OLA1: variants seen among roughly 807,000 people sequenced by gnomAD.
The protein encoded by OLA1 is obg-like ATPase 1.
Under a neutral mutation model 48.4 loss-of-function variants are expected in OLA1, and 14 were observed. That is an observed-to-expected ratio of 0.29 (90% confidence interval 0.19 to 0.45). The LOEUF (loss-of-function observed/expected upper bound fraction) is 0.45. OLA1 is among the 20% of genes least tolerant of loss of function. OLA1 has a pLI of 1.00. For synonymous variants in OLA1, 127 were observed against 150.4 expected (o/e 0.84, Z 1.14); for missense variants, 325 against 467.1 (o/e 0.70, Z 2.80).
intron 5 of OLA1, among the ~76,000 whole-genome samples, chr2:174,131,549 G>A (rs1686181381): frequency 6.6e-6 from 1 of 152,030 alleles, no homozygotes; most frequent in Non-Finnish European, 1.5e-5. Context: ...ATTTTCAAAA[G>A]CAGATGTACT....
At chr2:174,138,802 A>G (rs1222013862) in intron 5 of OLA1, among the ~76,000 whole-genome samples, 1 of 152,256 alleles carries the variant, frequency 6.6e-6, no homozygotes, top group African/African-American at 2.4e-5. Context: ...AATTGCCTTA[A>G]GAATATAATA....
intron 4 of OLA1, among the ~76,000 whole-genome samples, chr2:174,194,829 A>T (rs567128500): frequency 6.6e-6 from 1 of 152,226 alleles, no homozygotes; most frequent in Non-Finnish European, 1.5e-5. Flanking sequence ...CTTGTTGATT[A>T]TAAAGAATAA....
At chr2:174,123,098 C>T (rs1000603400) in intron 7 of OLA1, 82 bp downstream of exon 7, 6 of 636,464 alleles carry the variant, frequency 9.4e-6, no homozygotes, top group East Asian at 3.2e-5. Flanking sequence ...TAAACATTGC[C>T]GTTAAGTACA....
At chr2:174,205,750 A>G (rs1052061496) in intron 4 of OLA1, among the ~76,000 whole-genome samples, 4 of 152,200 alleles carry the variant, frequency 2.6e-5, no homozygotes, top group African/African-American at 9.7e-5. Context: ...TGGGAGGAGA[A>G]GATGGACCGG....
At chr2:174,137,393 A>G (rs558944407) in intron 5 of OLA1, among the ~76,000 whole-genome samples, 2 of 152,346 alleles carry the variant, frequency 1.3e-5, no homozygotes, top group East Asian at 1.9e-4. Context: ...ATAACTCGCA[A>G]AGGCTCTAGG....
At chr2:174,076,807 ATGTG>A (rs1024034595) in intron 10 of OLA1, among the ~76,000 whole-genome samples, 2 of 148,388 alleles carry the variant, frequency 1.3e-5, no homozygotes, top group Non-Finnish European at 3.0e-5. Context: ...TATGACACAT[ATGTG>A]TGTGTGTATA....
At chr2:174,099,160 ATT>A (rs753871074) in intron 7 of OLA1, among the ~76,000 whole-genome samples, 6 of 144,040 alleles carry the variant, frequency 4.2e-5, no homozygotes, top group Non-Finnish European at 3.1e-5. Context: ...TATTTTATTT[ATT>A]TTTTTTTTTT....
intron 7 of OLA1, among the ~76,000 whole-genome samples, chr2:174,114,255 T>C (rs1173227987): frequency 7.6e-6 from 1 of 131,332 alleles, no homozygotes; most frequent in South Asian, 2.3e-4. Flanking sequence ...GACAGGAGAA[T>C]GGCGTGAACC....
At chr2:174,136,862 A>T (rs1686322796) in intron 5 of OLA1, among the ~76,000 whole-genome samples, 1 of 151,782 alleles carries the variant, frequency 6.6e-6, no homozygotes, top group Admixed American at 6.6e-5. Context: ...TTTTCAGTAG[A>T]GACAGGGTTT....
At position 174,229,337 on chromosome 2, in the gene OLA1, G is replaced by A; in HGVS notation, c.216C>T (p.Asp72=). ...SRVPVPDERF[D]FLCQYHKPAS... ...CTGGTTTGTGGTATTGACAAAGAAA[G>A]TCAAACCTTTCATCTGGCACAGGTA... The change falls in exon 3 of 11, where the codon GAC becomes GAT. Residue 72 remains aspartate, a synonymous_variant. Coordinates refer to ENST00000284719, the MANE Select transcript of OLA1 (RefSeq NM_013341.5). 7.4e-6 allele frequency: 12 copies of A among 1,612,344 alleles called. No homozygotes were observed. Among genetic ancestry groups the A allele is most frequent in the Non-Finnish European group, 9.3e-6 (11 of 1,179,888 alleles).
chr2:174,247,568 G>C, intron 1 of OLA1: 2 of 1,504,212 alleles, frequency 1.3e-6, no homozygotes, highest in Non-Finnish European at 1.8e-6. Flanking sequence ...GGAACCACCA[G>C]CAGCCAAGTC....
chr2:174,089,454 A>T (rs1201114125), intron 7 of OLA1, among the ~76,000 whole-genome samples: 1 of 152,196 alleles, frequency 6.6e-6, no homozygotes, highest in African/African-American at 2.4e-5. Flanking sequence ...AGGATAGGAA[A>T]ATTCCTGCTT....
At chr2:174,198,606 C>T (rs1376426284) in intron 4 of OLA1, among the ~76,000 whole-genome samples, 1 of 152,154 alleles carries the variant, frequency 6.6e-6, no homozygotes, top group Non-Finnish European at 1.5e-5. Context: ...GATGGCAAAA[C>T]CCTGTCTCTA....
intron 2 of OLA1, among the ~76,000 whole-genome samples, chr2:174,234,996 T>C (rs1454068022): frequency 6.6e-6 from 1 of 151,906 alleles, no homozygotes; most frequent in Non-Finnish European, 1.5e-5. Flanking sequence ...CCATCTCTAC[T>C]AAAAATACAA....
chr2:174,211,173 TC>T (rs1688232602), intron 4 of OLA1, among the ~76,000 whole-genome samples: 1 of 124,838 alleles, frequency 8.0e-6, no homozygotes, highest in Admixed American at 8.7e-5. Context: ...CCCTTCCTCC[TC>T]CCCACAACAC....
At chr2:174,231,186 A>C (rs1688721670) in intron 2 of OLA1, among the ~76,000 whole-genome samples, 1 of 152,192 alleles carries the variant, frequency 6.6e-6, no homozygotes, top group Non-Finnish European at 1.5e-5. Flanking sequence ...CTCCATGAAA[A>C]AATTTAAAAT....
At chr2:174,078,793 T>C (rs1684801833) in intron 10 of OLA1, among the ~76,000 whole-genome samples, 175 bp downstream of exon 10, 1 of 151,980 alleles carries the variant, frequency 6.6e-6, no homozygotes, top group South Asian at 2.1e-4. Context: ...GATCTAAAAG[T>C]ATGTAAACAT....
At position 174,072,620 on chromosome 2, in the gene OLA1, G is replaced by T. The variant is rs1203962466; in HGVS notation, c.*2806C>A. 1 of 152,176 alleles carries T rather than the reference G, an allele frequency of 6.6e-6. No individual in the cohort carries two copies. Among genetic ancestry groups the T allele is most frequent in the African/African-American group, 2.4e-5 (1 of 41,440 alleles). 9.4% of individuals were successfully genotyped at this position (152,176 alleles called of 1,614,324 possible). On this transcript the variant is annotated 3_prime_UTR_variant, in exon 11 of 11. Coordinates refer to ENST00000284719, the MANE Select transcript of OLA1 (RefSeq NM_013341.5). ...TTTAAGTAGACTAATCAGAACAATA[G>T]AAGAGGCAGGAGGAGGAGATACCGT...
rs910323280 is a variant in OLA1 at position 174,200,002 on chromosome 2, TA to T, written c.373+23030del. On this transcript the variant is annotated intron_variant, in intron 4 of 10. Coordinates refer to ENST00000284719, the MANE Select transcript of OLA1 (RefSeq NM_013341.5). ...ATGCTGGACATTAAAGAAATTTATTTAAAAAAAAAAGCAATCCCTCTTGGTC... is the reference window on the plus strand; with the variant it reads ...ATGCTGGACATTAAAGAAATTTATTTAAAAAAAAAGCAATCCCTCTTGGTC... 4.8e-4 allele frequency among the ~76,000 whole-genome samples: 71 copies of T among 149,434 alleles called. 1 individual carries two copies. Among genetic ancestry groups the T allele is most frequent in the African/African-American group, 1.5e-3 (60 of 40,582 alleles).
Sources: allele counts gnomAD v4.1 joint callset (sites outside exome capture counted in the v4.1 genomes callset), GRCh38; gene constraint gnomAD v4.1.1; transcripts MANE v1.5; gene names NCBI Gene and HGNC (gene_info 2026-07-23, HGNC 2026-07-21).